The following EMILIN2 variants were observed in gnomAD, a reference collection of about 807,000 sequenced individuals.
The protein encoded by EMILIN2 is elastin microfibril interfacer 2, also known as EMILIN-2.
In EMILIN2, 71 loss-of-function variants were observed where a neutral mutation model predicts 87.1. The observed-to-expected ratio is 0.82, with a 90% CI of 0.67 to 0.99. The LOEUF (loss-of-function observed/expected upper bound fraction) is 0.99, where lower values mean the gene tolerates loss of function less well. EMILIN2 is among the 50% of genes least tolerant of loss of function. The probability of loss-of-function intolerance (pLI) is 0.00; values close to 1 mark genes in which losing one functional copy is unlikely to be tolerated. For missense variants in EMILIN2, 1,407 were observed against 1,371.8 expected (o/e 1.03, Z -0.40); for synonymous variants, 581 against 563.4 (o/e 1.03, Z -0.44).
chr18:2,856,665 C>T (rs2076629152), intron 2 of EMILIN2, among the ~76,000 whole-genome samples: 1 of 152,192 alleles, frequency 6.6e-6, no homozygotes, highest in Non-Finnish European at 1.5e-5. Context: ...GGTGAGGTTC[C>T]TTCTAGTCTC....
upstream of EMILIN2, among the ~76,000 whole-genome samples, chr18:2,846,619 C>A (rs907295064): frequency 1.3e-5 from 2 of 152,250 alleles, no homozygotes; most frequent in Non-Finnish European, 2.9e-5. This position sits in a 1 kb window ranked among gnomAD's most constrained non-coding sequence, Gnocchi z 5.3. Flanking sequence ...CACTCCTCTC[C>A]CCGCGGGACT....
intron 4 of EMILIN2, among the ~76,000 whole-genome samples, chr18:2,895,503 G>A (rs142902345): frequency 1.5e-4 from 23 of 152,322 alleles, no homozygotes; most frequent in Admixed American, 1.0e-3. Flanking sequence ...CAGGAACCCC[G>A]GCAGGGCTTG....
Position 2,892,080 on chromosome 18 carries a change from G to A in EMILIN2, c.1953G>A (p.Arg651=). The A allele has an allele frequency of 6.2e-7, 1 of 1,614,178 alleles. No homozygotes were observed. The highest frequency in any genetic ancestry group is 2.2e-5 in the East Asian group (1 of 44,894). Residue 651 remains arginine (R), a synonymous_variant, in exon 4 of 8, where the codon AGG becomes AGA. Coordinates refer to ENST00000254528, the MANE Select transcript of EMILIN2 (RefSeq NM_032048.3). Reference sequence around the variant, plus strand: ...TCACTAAGGTGGGTGAGCAAGAAAGGACAGTGGACACCCTGCCGTCCCCCC... The same window carrying A: ...TCACTAAGGTGGGTGAGCAAGAAAGAACAGTGGACACCCTGCCGTCCCCCC... ...GRFTKVGEQE[R]TVDTLPSPQH...
At chr18:2,905,368 T>C (rs1169874010) in intron 4 of EMILIN2, among the ~76,000 whole-genome samples, 1 of 151,768 alleles carries the variant, frequency 6.6e-6, no homozygotes, top group Non-Finnish European at 1.5e-5. Context: ...TTAGTTGTTA[T>C]GTGTACAGAG....
At chr18:2,882,556 G>A (rs969694281) in intron 2 of EMILIN2, among the ~76,000 whole-genome samples, 7 of 152,052 alleles carry the variant, frequency 4.6e-5, no homozygotes, top group African/African-American at 1.7e-4. Context: ...ACCAGCCTGG[G>A]CAACATAGTG....
intron 2 of EMILIN2, among the ~76,000 whole-genome samples, chr18:2,868,458 T>TGGA (rs528330840): frequency 2.2e-4 from 34 of 151,576 alleles, no homozygotes; most frequent in South Asian, 2.1e-3. Flanking sequence ...GGCTGGGAGG[T>TGGA]GGTTGCAGCC....
Position 2,913,641 on chromosome 18 carries a change from G to T in EMILIN2, c.*237G>T. 1.5e-4 allele frequency: 54 copies of T among 353,560 alleles called. No individual in the cohort carries two copies. In the South Asian group the frequency reaches 1.6e-3, roughly 11 times the overall value. 21.9% of individuals were successfully genotyped at this position (353,560 alleles called of 1,614,324 possible). On this transcript the variant is annotated 3_prime_UTR_variant, in exon 8 of 8. Transcript: ENST00000254528. ...TTCTGCCACTCTAACTGGACAACTG[G>T]AAGACTTGGAAAGGCCTCCACCTGT...
chr18:2,868,094 C>T (rs942624394), intron 2 of EMILIN2, among the ~76,000 whole-genome samples: 8 of 151,866 alleles, frequency 5.3e-5, no homozygotes, highest in African/African-American at 9.7e-5. Flanking sequence ...GAGCGGCTGC[C>T]GGGTGGAGGG....
chr18:2,893,717 T>C (rs1261315636), intron 4 of EMILIN2, among the ~76,000 whole-genome samples: 1 of 152,166 alleles, frequency 6.6e-6, no homozygotes, highest in Admixed American at 6.5e-5. Context: ...TTGAACACTT[T>C]CTATGTACAG....
At position 2,891,330 on chromosome 18, in the gene EMILIN2, G is replaced by T; in HGVS notation, c.1203G>T (p.Lys401Asn). Residue 401 changes from lysine (K) to asparagine (N), a missense_variant, in exon 4 of 8, where the codon AAG becomes AAT. Physicochemically the swap from Lys to Asn is moderately conservative, Grantham distance 94 (BLOSUM62 0). Coordinates refer to ENST00000254528, the MANE Select transcript of EMILIN2 (RefSeq NM_032048.3). The surrounding 1 kb of genome is among the most constrained non-coding windows in gnomAD (Gnocchi z 4.6). ...AGGCAAATTGCTGCGACAGTGAAAA[G>T]AATGGTGACATTGGTCAACAGATCA... ...SAQANCCDSE[K>N]NGDIGQQIKT... 6.2e-7 allele frequency: 1 copy of T among 1,614,214 alleles called. No individual in the cohort carries two copies. The highest frequency in any genetic ancestry group is 1.3e-5 in the African/African-American group (1 of 75,062).
Position 2,890,405 on chromosome 18 carries a change from C to T in EMILIN2, c.434-156C>T. On this transcript the variant is annotated intron_variant, in intron 3 of 7. Transcript: ENST00000254528. This position sits in a 1 kb window ranked among gnomAD's most constrained non-coding sequence, Gnocchi z 4.7. Reference sequence around the variant, plus strand: ...GGTCTATTTGACTACAAAGCCCATACTCTTTTCTACTGTACCACAGTACTT... The same window carrying T: ...GGTCTATTTGACTACAAAGCCCATATTCTTTTCTACTGTACCACAGTACTT... Among the ~76,000 whole-genome samples, 1 of 152,216 alleles carries T rather than the reference C, an allele frequency of 6.6e-6. No individual in the cohort carries two copies. Among genetic ancestry groups the T allele is most frequent in the East Asian group, 1.9e-4 (1 of 5,198 alleles).
At chr18:2,888,936 A>G (rs572582410) in intron 3 of EMILIN2, among the ~76,000 whole-genome samples, 2 of 152,120 alleles carry the variant, frequency 1.3e-5, no homozygotes, top group Non-Finnish European at 2.9e-5. Context: ...GAATTCAAAT[A>G]TCTACAACAT....
chr18:2,902,420 T>G (rs2076891797), intron 4 of EMILIN2, among the ~76,000 whole-genome samples: 1 of 152,160 alleles, frequency 6.6e-6, no homozygotes, highest in Admixed American at 6.5e-5. Flanking sequence ...TGTTTCCTGG[T>G]GCAGAGGCAG....
chr18:2,875,920 T>G (rs1050225467), intron 2 of EMILIN2, among the ~76,000 whole-genome samples: 2 of 152,076 alleles, frequency 1.3e-5, no homozygotes, highest in African/African-American at 4.8e-5. Flanking sequence ...TGGGGAAAAC[T>G]TCTATTCATT....
chr18:2,886,405 A>T (rs935676383), intron 3 of EMILIN2, among the ~76,000 whole-genome samples: 7 of 152,244 alleles, frequency 4.6e-5, no homozygotes, highest in Non-Finnish European at 8.8e-5. Flanking sequence ...GAATAGCTTT[A>T]TAAGGACTAA....
rs775039284 is a variant in EMILIN2 at position 2,892,377 on chromosome 18, G to A, written c.2250G>A (p.Ser750=). 39 of 1,614,072 alleles carry A rather than the reference G, an allele frequency of 2.4e-5. No individual in the cohort carries two copies. The East Asian group carries it at 5.6e-4, about 23-fold the overall frequency. The change falls in exon 4 of 8, where the codon TCG becomes TCA. Residue 750 remains serine (S), a synonymous_variant. Coordinates refer to ENST00000254528, the MANE Select transcript of EMILIN2 (RefSeq NM_032048.3). The part of the protein sequence containing the change: ...CVRQMNGTLR[S]HSRDISGLKN... ...GGCAGATGAACGGAACGCTCAGGTC[G>A]CATTCCAGAGACATTTCTGGCCTGA...
Position 2,892,383 on chromosome 18 carries a change from CAG to C in EMILIN2, c.2260_2261del (p.Asp754HisfsTer21). The part of the protein sequence containing the change: ...QMNGTLRSHS[R>X]DISGLKNSVQ... ...TGAACGGAACGCTCAGGTCGCATTC[CAG>C]AGACATTTCTGGCCTGAAGAATTCA... On this transcript the variant is annotated frameshift_variant, in exon 4 of 8. Transcript: ENST00000254528. LOFTEE classifies it high-confidence loss of function. 6.2e-7 allele frequency: 1 copy of C among 1,614,126 alleles called. No homozygotes were observed. Among genetic ancestry groups the C allele is most frequent in the Non-Finnish European group, 8.5e-7 (1 of 1,180,030 alleles).
intron 2 of EMILIN2, among the ~76,000 whole-genome samples, chr18:2,865,912 G>A (rs2076684357): frequency 6.6e-6 from 1 of 152,332 alleles, no homozygotes; most frequent in East Asian, 1.9e-4. Flanking sequence ...GGCAATGGCA[G>A]GTGCCCCTCC....
intron 2 of EMILIN2, among the ~76,000 whole-genome samples, chr18:2,855,554 G>A (rs1453583058): frequency 6.6e-6 from 1 of 152,214 alleles, no homozygotes; most frequent in Non-Finnish European, 1.5e-5. Context: ...GGTGGCACGT[G>A]GTATTTGAGT....
Sources: allele counts gnomAD v4.1 joint callset (sites outside exome capture counted in the v4.1 genomes callset), GRCh38; gene constraint gnomAD v4.1.1; non-coding constraint Gnocchi (gnomAD v3.1); transcripts MANE v1.5; gene names NCBI Gene and HGNC (gene_info 2026-07-23, HGNC 2026-07-21).